The following MICU3 variants were observed in gnomAD, a reference collection of about 807,000 sequenced individuals.
MICU3 encodes mitochondrial calcium uptake 3, also known as calcium uptake protein 3, mitochondrial.
Under a neutral mutation model 66.5 loss-of-function variants are expected in MICU3, and 62 were observed. The ratio of observed to expected loss-of-function variants is 0.93; its 90% CI spans 0.76 to 1.15. MICU3 has a LOEUF of 1.15. Among genes scored for constraint, MICU3 ranks in the 50% most tolerant of loss-of-function variants. MICU3 has a pLI of 0.00. For synonymous variants in MICU3, 308 were observed against 240.7 expected, an observed-to-expected ratio of 1.28 and a Z score of -2.59; for missense variants, 779 against 664.4, an observed-to-expected ratio of 1.17 and a Z score of -1.90.
At chr8:17,088,765 T>G (rs1430293820) in intron 7 of MICU3, among the ~76,000 whole-genome samples, 2 of 151,932 alleles carry the variant, frequency 1.3e-5, no homozygotes, top group Non-Finnish European at 2.9e-5. Flanking sequence ...GAGAAAAATA[T>G]TAGCAGACAA....
At chr8:17,055,083 G>C (rs998353326) in intron 1 of MICU3, among the ~76,000 whole-genome samples, 2 of 152,114 alleles carry the variant, frequency 1.3e-5, no homozygotes, top group Admixed American at 6.5e-5. Flanking sequence ...AAAGGTCAGA[G>C]TTACGGAAGC....
intron 3 of MICU3, among the ~76,000 whole-genome samples, chr8:17,074,590 CGTGTGTGTGTGTGTGTGT>C (rs35861279): frequency 2.2e-4 from 31 of 142,012 alleles, no homozygotes; most frequent in East Asian, 1.3e-3. Context: ...GATGTTAAAA[CGTGTGTGTGTGTGTGTGT>C]GTGTGTGTGT....
intron 6 of MICU3, among the ~76,000 whole-genome samples, chr8:17,086,510 T>C (rs1298130967): frequency 1.3e-5 from 2 of 152,182 alleles, no homozygotes; most frequent in Admixed American, 6.6e-5. Context: ...TTACAATAGA[T>C]ATAGATGTGT....
chr8:17,132,489 C>G, the MICU3 span: 30 of 152,288 alleles, frequency 2.0e-4, no homozygotes, highest in African/African-American at 7.0e-4. Context: ...AATATACACC[C>G]CAAACTGTCT....
intron 1 of MICU3, among the ~76,000 whole-genome samples, chr8:17,061,267 G>T (rs1012080427): frequency 6.6e-6 from 1 of 152,106 alleles, no homozygotes; most frequent in African/African-American, 2.4e-5. Flanking sequence ...CAAAGAAGGT[G>T]GATCACATTC....
chr8:17,035,874 C>T (rs140172273), intron 1 of MICU3, among the ~76,000 whole-genome samples: 1 of 152,284 alleles, frequency 6.6e-6, no homozygotes, highest in African/African-American at 2.4e-5. Context: ...ATGTTAGTCA[C>T]CAAGACAGTG....
rs922415051 is a variant in MICU3 at position 17,098,373 on chromosome 8, A to T, written c.889-85A>T. The T allele has an allele frequency of 7.6e-5, 69 of 912,538 alleles. 2 individuals carry two copies. In the Middle Eastern group the frequency reaches 2.8e-3, roughly 37 times the overall value. 56.5% of individuals were successfully genotyped at this position (912,538 alleles called of 1,614,324 possible). On this transcript the variant is annotated intron_variant, in intron 8 of 14. Coordinates refer to ENST00000318063, the MANE Select transcript of MICU3 (RefSeq NM_181723.3). ...GGTAAGCTAATGTGTTTCCTTTTCA[A>T]GGTTGGTTAGATTTAAAGTGTATAA...
intron 1 of MICU3, among the ~76,000 whole-genome samples, chr8:17,059,909 C>T (rs1397704031): frequency 6.6e-6 from 1 of 152,096 alleles, no homozygotes; most frequent in Non-Finnish European, 1.5e-5. Context: ...GATCAATTCT[C>T]CCAAAATTTA....
intron 1 of MICU3, among the ~76,000 whole-genome samples, chr8:17,054,603 C>T (rs1432081616): frequency 1.3e-5 from 2 of 152,140 alleles, no homozygotes; most frequent in Non-Finnish European, 2.9e-5. Flanking sequence ...ATAATACTTA[C>T]TGTTCAGTCT....
chr8:17,104,858 G>A lies in MICU3; in HGVS notation c.1085+367G>A, dbSNP rs898170072. 3.6e-5 allele frequency among the ~76,000 whole-genome samples: 3 copies of A among 84,010 alleles called. 1 individual carries two copies. The highest frequency in any genetic ancestry group is 6.1e-5 in the Non-Finnish European group (3 of 49,478). 55.1% of individuals were successfully genotyped at this position (84,010 alleles called of 152,430 possible). A position where few individuals can be genotyped will look rare whatever the true frequency, so the allele number is the denominator to read the frequency against. ...AAAATACAAAAAATTAGCCGGGCGT[G>A]GTAGCGGGCGCCTGTAGTCCCAGCT... is the stretch of plus-strand genomic sequence containing the variant. On this transcript the variant is annotated intron_variant, in intron 10 of 14. Coordinates refer to ENST00000318063, the MANE Select transcript of MICU3 (RefSeq NM_181723.3).
At chr8:17,046,160 G>C (rs911082800) in intron 1 of MICU3, among the ~76,000 whole-genome samples, 1 of 152,204 alleles carries the variant, frequency 6.6e-6, no homozygotes, top group Non-Finnish European at 1.5e-5. Flanking sequence ...TCAGTCAGAA[G>C]TTCTGGAGGC....
intron 11 of MICU3, among the ~76,000 whole-genome samples, chr8:17,113,700 CTT>C (rs1161096902): frequency 1.3e-5 from 2 of 151,974 alleles, no homozygotes; most frequent in African/African-American, 2.4e-5. Context: ...GCAGGGGAAA[CTT>C]TTTTATGGCT....
intron 11 of MICU3, among the ~76,000 whole-genome samples, chr8:17,111,393 C>A (rs1029875066): frequency 2.6e-5 from 4 of 152,016 alleles, no homozygotes; most frequent in African/African-American, 9.7e-5. Context: ...CATGATCATA[C>A]TCACTGCGAC....
chr8:17,067,596 AT>A (rs1326167614), intron 2 of MICU3, among the ~76,000 whole-genome samples: 4 of 151,960 alleles, frequency 2.6e-5, no homozygotes, highest in Non-Finnish European at 5.9e-5. Flanking sequence ...TGCCCAGCTA[AT>A]TTTTGTATTT....
chr8:17,076,085 G>C (rs1028828127), intron 3 of MICU3, among the ~76,000 whole-genome samples: 3 of 152,012 alleles, frequency 2.0e-5, no homozygotes, highest in Admixed American at 2.0e-4. Context: ...GGAGTGCAGT[G>C]GTGTGATCAT....
At chr8:17,137,521 T>TAA in the MICU3 span, among the ~76,000 whole-genome samples, 5,636 of 134,456 alleles carry the variant, frequency 0.042, 318 homozygotes, top group East Asian at 0.16. Context: ...TGCTTTTTTT[T>TAA]AAAAAAAAAA....
At chr8:17,045,194 G>C (rs1814856312) in intron 1 of MICU3, among the ~76,000 whole-genome samples, 1 of 152,186 alleles carries the variant, frequency 6.6e-6, no homozygotes, top group Non-Finnish European at 1.5e-5. Context: ...GAGGTAGATA[G>C]ATAACATATG....
At chr8:17,031,262 T>TTTATTATTA (rs60712856) in intron 1 of MICU3, among the ~76,000 whole-genome samples, 19,592 of 138,970 alleles carry the variant, frequency 0.14, 1,515 homozygotes, top group Middle Eastern at 0.22. Flanking sequence ...TGCCACTTCA[T>TTTATTATTA]TTATTATTAT....
chr8:17,039,142 A>G (rs1813593033), intron 1 of MICU3, among the ~76,000 whole-genome samples: 1 of 152,124 alleles, frequency 6.6e-6, no homozygotes, highest in Non-Finnish European at 1.5e-5. Context: ...GCAATAAAGT[A>G]TTTTTAAATT....
Sources: allele counts gnomAD v4.1 joint callset (sites outside exome capture counted in the v4.1 genomes callset), GRCh38; gene constraint gnomAD v4.1.1; transcripts MANE v1.5; gene names NCBI Gene and HGNC (gene_info 2026-07-23, HGNC 2026-07-21).